The following TENM2 variants were observed in gnomAD, a reference collection of about 807,000 sequenced individuals.
TENM2 encodes the protein teneurin-2.
Under a neutral mutation model 245.2 loss-of-function variants are expected in TENM2, and 52 were observed. The observed-to-expected ratio is 0.21, with a 90% CI of 0.17 to 0.27. The LOEUF (loss-of-function observed/expected upper bound fraction) is 0.27, where lower values mean the gene tolerates loss of function less well. TENM2 is among the 10% of genes least tolerant of loss of function. The pLI is 1.00. For synonymous variants in TENM2, 1,363 were observed against 1,438.9 expected, an observed-to-expected ratio of 0.95 and a Z score of 1.19; for missense variants, 3,046 against 3,666.8, an observed-to-expected ratio of 0.83 and a Z score of 4.37.
intron 9 of TENM2, among the ~76,000 whole-genome samples, chr5:168,099,024 C>T (rs1200990829): frequency 6.6e-6 from 1 of 152,128 alleles, no homozygotes; most frequent in Non-Finnish European, 1.5e-5. Context: ...ATTATCCTAC[C>T]TCAGCCTCCC....
chr5:167,939,829 C>T (rs572071443), intron 3 of TENM2, among the ~76,000 whole-genome samples: 2 of 152,292 alleles, frequency 1.3e-5, no homozygotes, highest in Admixed American at 1.3e-4. Context: ...TTCACCCAGC[C>T]TGGTTGAGTC....
the TENM2 span, among the ~76,000 whole-genome samples, chr5:167,133,004 G>C: frequency 1.3e-5 from 2 of 152,172 alleles, no homozygotes; most frequent in East Asian, 3.9e-4. Flanking sequence ...AATGTTAGCA[G>C]ATTGAAAAGC....
intron 2 of TENM2, among the ~76,000 whole-genome samples, chr5:167,781,069 G>T (rs527719780): frequency 3.3e-5 from 5 of 152,244 alleles, no homozygotes; most frequent in East Asian, 1.9e-4. Flanking sequence ...CAAGCACTTT[G>T]GGGGGCTGAG....
intron 2 of TENM2, among the ~76,000 whole-genome samples, chr5:167,582,418 C>A (rs1429537896): frequency 6.6e-6 from 1 of 152,046 alleles, no homozygotes; most frequent in Non-Finnish European, 1.5e-5. Flanking sequence ...ATCACCTATC[C>A]TATGTGATTT....
intron 4 of TENM2, 64 bp from the exon 7 acceptor site, chr5:167,992,880 A>G: frequency 7.6e-7 from 1 of 1,323,072 alleles, no homozygotes; most frequent in Non-Finnish European, 1.1e-6. Flanking sequence ...AGTGGAAGAA[A>G]AATAGCTAAA....
At chr5:167,443,842 TA>T (rs1337090828) in intron 2 of TENM2, among the ~76,000 whole-genome samples, 1 of 152,146 alleles carries the variant, frequency 6.6e-6, no homozygotes, top group Non-Finnish European at 1.5e-5. Context: ...CTTTAACTTT[TA>T]AAATTAAAAA....
At chr5:167,539,213 T>C (rs937960271) in intron 2 of TENM2, among the ~76,000 whole-genome samples, 5 of 152,208 alleles carry the variant, frequency 3.3e-5, no homozygotes, top group Non-Finnish European at 7.3e-5. Flanking sequence ...ATGTGTGCTT[T>C]CATTTGAGAA....
At chr5:167,883,963 A>G (rs1774083412) in intron 3 of TENM2, among the ~76,000 whole-genome samples, 1 of 152,200 alleles carries the variant, frequency 6.6e-6, no homozygotes, top group Non-Finnish European at 1.5e-5. Context: ...CCCATACCCA[A>G]AATAATCATG....
At chr5:167,251,958 G>T in the TENM2 span, among the ~76,000 whole-genome samples, 2 of 152,074 alleles carry the variant, frequency 1.3e-5, no homozygotes, top group African/African-American at 4.8e-5. Flanking sequence ...TACTAGAGAT[G>T]AAACACTATT....
At chr5:167,130,201 T>G in the TENM2 span, among the ~76,000 whole-genome samples, 1 of 152,228 alleles carries the variant, frequency 6.6e-6, no homozygotes, top group Non-Finnish European at 1.5e-5. Flanking sequence ...AGTAACACTA[T>G]GTAAAGAATA....
At chr5:167,015,690 T>A in the TENM2 span, among the ~76,000 whole-genome samples, 2 of 152,204 alleles carry the variant, frequency 1.3e-5, no homozygotes, top group Non-Finnish European at 2.9e-5. Context: ...CTGTGTTTCA[T>A]GGTAAGGATA....
rs1474050156 is a variant in TENM2 at position 167,426,989 on chromosome 5, G to T, written c.502+51516G>T. 2.0e-5 allele frequency among the ~76,000 whole-genome samples: 3 copies of T among 152,218 alleles called. No homozygotes were observed. The East Asian group carries it at 5.8e-4, about 29-fold the overall frequency. Reference sequence around the variant, plus strand: ...GCTCTAGATGTCATTTCCCAGCTGGGGCACTGTGAGCAACATGGCAGGGGT... The same window carrying T: ...GCTCTAGATGTCATTTCCCAGCTGGTGCACTGTGAGCAACATGGCAGGGGT... On this transcript the variant is annotated intron_variant, in intron 2 of 28. Transcript: ENST00000518659.
intron 6 of TENM2, among the ~76,000 whole-genome samples, chr5:168,051,584 A>T (rs1192331512): frequency 2.0e-5 from 3 of 152,076 alleles, no homozygotes; most frequent in African/African-American, 7.2e-5. Flanking sequence ...CCAATACATC[A>T]CTTCTTCCTA....
chr5:167,818,985 A>T (rs576749348), intron 2 of TENM2, among the ~76,000 whole-genome samples: 1 of 152,044 alleles, frequency 6.6e-6, no homozygotes, highest in East Asian at 1.9e-4. Context: ...CCCACAGGGC[A>T]ATCTGTATCC....
the TENM2 span, among the ~76,000 whole-genome samples, chr5:167,212,087 C>T: frequency 6.6e-6 from 1 of 152,206 alleles, no homozygotes; most frequent in South Asian, 2.1e-4. Flanking sequence ...CAAGTTCTGT[C>T]GATTCAAACA....
At chr5:167,859,330 G>C (rs1771441281) in intron 2 of TENM2, among the ~76,000 whole-genome samples, 1 of 148,070 alleles carries the variant, frequency 6.8e-6, no homozygotes, top group African/African-American at 2.5e-5. Context: ...CCCCATCTGG[G>C]AAGTGAGGAG....
At chr5:167,809,462 A>G (rs1313715409) in intron 2 of TENM2, among the ~76,000 whole-genome samples, 1 of 152,166 alleles carries the variant, frequency 6.6e-6, no homozygotes, top group Non-Finnish European at 1.5e-5. Flanking sequence ...GAGAAGGTAG[A>G]GGGAATTCAA....
chr5:167,709,474 T>C (rs1181276470), intron 2 of TENM2, among the ~76,000 whole-genome samples: 1 of 152,176 alleles, frequency 6.6e-6, no homozygotes, highest in Non-Finnish European at 1.5e-5. Context: ...TATACTTAGC[T>C]CTAATGTCCA....
At chr5:167,416,317 C>G (rs1763164714) in intron 2 of TENM2, among the ~76,000 whole-genome samples, 1 of 152,094 alleles carries the variant, frequency 6.6e-6, no homozygotes, top group Non-Finnish European at 1.5e-5. Context: ...AAAGTAAATG[C>G]AATCTGGTAT....
Sources: allele counts gnomAD v4.1 joint callset (sites outside exome capture counted in the v4.1 genomes callset), GRCh38; gene constraint gnomAD v4.1.1; transcripts MANE v1.5; gene names NCBI Gene and HGNC (gene_info 2026-07-23, HGNC 2026-07-21).